Variants in AHCTF1 observed in about 807,000 individuals in gnomAD.
AHCTF1 encodes the protein protein ELYS.
In AHCTF1, 24 loss-of-function variants were observed where a neutral mutation model predicts 248.4. The ratio of observed to expected loss-of-function variants is 0.10; its 90% CI spans 0.07 to 0.14. The LOEUF (loss-of-function observed/expected upper bound fraction) is 0.14, where lower values mean the gene tolerates loss of function less well. AHCTF1 is among the 10% of genes least tolerant of loss of function. The probability of loss-of-function intolerance (pLI) is 1.00; values close to 1 mark genes in which losing one functional copy is unlikely to be tolerated. For missense variants in AHCTF1, 2,206 were observed against 2,636.2 expected, an observed-to-expected ratio of 0.84 and a Z score of 3.57; for synonymous variants, 786 against 929.8, an observed-to-expected ratio of 0.85 and a Z score of 2.81.
intron 24 of AHCTF1, among the ~76,000 whole-genome samples, chr1:246,872,799 C>T (rs1031700997): frequency 6.6e-6 from 1 of 152,052 alleles, no homozygotes; most frequent in African/African-American, 2.4e-5. Flanking sequence ...GTGCTGCTGT[C>T]GAGACCAAGA....
At chr1:246,921,265 TGA>T (rs975670325) in intron 1 of AHCTF1, among the ~76,000 whole-genome samples, 2 of 152,062 alleles carry the variant, frequency 1.3e-5, no homozygotes, top group Admixed American at 6.6e-5. Flanking sequence ...ACAGTGGATT[TGA>T]GAGAGAAAGC....
Position 246,850,060 on chromosome 1 carries a change from T to A in AHCTF1, c.5946A>T (p.Pro1982=), listed in dbSNP as rs1371355783. 2 of 1,613,818 alleles carry A rather than the reference T, an allele frequency of 1.2e-6. No individual in the cohort carries two copies. The highest frequency in any genetic ancestry group is 2.7e-5 in the African/African-American group (2 of 74,916). ...CAGCCTTAGATCCTACATCTTCAGA[T>A]GGATTGATTTTTCTTGGTCTACCAC... ...RKRGRPRKIN[P]SEDVGSKAVK... is the part of the protein sequence containing the mutation. Residue 1982 remains proline, a synonymous_variant, in exon 33 of 36, where the codon CCA becomes CCT. Transcript: ENST00000648844.
At position 246,867,828 on chromosome 1, in the gene AHCTF1, G is replaced by A. The variant is rs773978044; in HGVS notation, c.3089-17C>T. 3.1e-5 allele frequency: 49 copies of A among 1,575,468 alleles called. No individual in the cohort carries two copies. Among genetic ancestry groups the A allele is most frequent in the South Asian group, 2.1e-4 (18 of 87,756 alleles). ...GTCTAGAAACTGTAAAATGAAGAAC[G>A]CTGGAATTAAGTGCATCTCTAACAA... On this transcript the variant is annotated splice_polypyrimidine_tract_variant and intron_variant, in intron 24 of 35. Coordinates refer to ENST00000648844, the MANE Select transcript of AHCTF1 (RefSeq NM_001323342.2).
At chr1:246,914,836 T>A (rs1666032728) in intron 3 of AHCTF1, among the ~76,000 whole-genome samples, 1 of 152,190 alleles carries the variant, frequency 6.6e-6, no homozygotes, top group South Asian at 2.1e-4. Context: ...CAATTCCTCA[T>A]CCAAATGATC....
intron 10 of AHCTF1, among the ~76,000 whole-genome samples, 159 bp from the exon 11 acceptor site, chr1:246,899,671 G>T (rs183923158): frequency 6.6e-6 from 1 of 151,716 alleles, no homozygotes; most frequent in Non-Finnish European, 1.5e-5. Flanking sequence ...CCTAAGAATA[G>T]ATAACAAACC....
chr1:246,889,962 A>G lies in AHCTF1; in HGVS notation c.2144+4T>C, dbSNP rs2103136033. 2.5e-6 allele frequency: 4 copies of G among 1,606,582 alleles called. No individual in the cohort carries two copies. Among genetic ancestry groups the G allele is most frequent in the East Asian group, 4.5e-5 (2 of 44,734 alleles). On this transcript the variant is annotated splice_donor_region_variant and intron_variant, in intron 17 of 35. Coordinates refer to ENST00000648844, the MANE Select transcript of AHCTF1 (RefSeq NM_001323342.2). ...ATGTAATTTCTAAAATTGTTTTACT[A>G]TACCTTGATAAACGCTCAAACTTCT...
At chr1:246,886,468 C>A (rs1456230865) in intron 20 of AHCTF1, among the ~76,000 whole-genome samples, 3 of 152,172 alleles carry the variant, frequency 2.0e-5, no homozygotes, top group East Asian at 1.9e-4. Context: ...ATTTAAAGAT[C>A]AAGATCTAGA....
chr1:246,888,633 G>A lies in AHCTF1; in HGVS notation c.2145-116C>T, dbSNP rs997486301. On this transcript the variant is annotated intron_variant, in intron 17 of 35. Transcript: ENST00000648844. ...AACTATCAAAGAGAGAAGAGGCTGG[G>A]CATGGTGGCTTATGTCTGTAATCCC... 9 of 1,287,892 alleles carry A rather than the reference G, an allele frequency of 7.0e-6. No homozygotes were observed. In the East Asian group the frequency reaches 1.0e-4, roughly 15 times the overall value. The allele number at this position is 1,287,892 out of a possible 1,614,324, so 79.8% of individuals were successfully genotyped here. A position where few individuals can be genotyped will look rare whatever the true frequency, so the allele number is the denominator to read the frequency against.
chr1:246,911,730 C>T (rs1160451245), intron 4 of AHCTF1, among the ~76,000 whole-genome samples: 4 of 152,212 alleles, frequency 2.6e-5, no homozygotes, highest in East Asian at 3.9e-4. Context: ...GTGATCCACC[C>T]GCCTTGGCCT....
At chr1:246,876,789 C>T (rs1429967512) in intron 23 of AHCTF1, among the ~76,000 whole-genome samples, 161 bp downstream of exon 23, 1 of 152,172 alleles carries the variant, frequency 6.6e-6, no homozygotes, top group Non-Finnish European at 1.5e-5. Context: ...TGGTAATACC[C>T]TGTTCCCAAT....
intron 12 of AHCTF1, 121 bp from the exon 13 acceptor site, chr1:246,896,046 G>C (rs1664550882): frequency 1.5e-6 from 1 of 672,230 alleles, no homozygotes; most frequent in Non-Finnish European, 2.6e-6. Flanking sequence ...CCCATAAGAA[G>C]GGCTATAATC....
At position 246,864,517 on chromosome 1, in the gene AHCTF1, C is replaced by T. The variant is rs564569167; in HGVS notation, c.3348-401G>A. On this transcript the variant is annotated intron_variant, in intron 26 of 35. Transcript: ENST00000648844. ...ATTAACATGCAAAATATCCATTCAC[C>T]TACATGTAATATATATAATGAATAT... Among the ~76,000 whole-genome samples the T allele has an allele frequency of 3.9e-4, 59 of 152,032 alleles. No individual in the cohort carries two copies. In the East Asian group the frequency reaches 4.6e-3, roughly 12 times the overall value.
chr1:246,896,726 T>C (rs1219408601), intron 12 of AHCTF1, among the ~76,000 whole-genome samples: 5 of 152,190 alleles, frequency 3.3e-5, no homozygotes, highest in African/African-American at 1.2e-4. Context: ...GTATGAAATA[T>C]CTCAATAAAG....
rs765302345 is a variant in AHCTF1, at chr1:246,905,696, T to C, written c.765-39A>G. The C allele has an allele frequency of 5.3e-6, 8 of 1,517,204 alleles. No homozygotes were observed. The African/African-American group carries it at 1.1e-4, about 21-fold the overall frequency. The allele number at this position is 1,517,204 out of a possible 1,614,324, so 94.0% of individuals were successfully genotyped here. On this transcript the variant is annotated intron_variant, in intron 5 of 35. Transcript: ENST00000648844. The stretch of plus-strand genomic sequence containing the variant: ...GTATATTTCATATTTTTAAGTTATT[T>C]TTTAGAAAGGAAAAAGGTACATCAT...
At chr1:246,860,648 A>G (rs1261769381) in intron 29 of AHCTF1, among the ~76,000 whole-genome samples, 2 of 152,024 alleles carry the variant, frequency 1.3e-5, no homozygotes, top group Admixed American at 6.6e-5. Flanking sequence ...ACTTCTGAAC[A>G]CTCCCACCAT....
chr1:246,882,282 C>A (rs1416934933), intron 21 of AHCTF1, among the ~76,000 whole-genome samples: 2 of 152,130 alleles, frequency 1.3e-5, no homozygotes, highest in African/African-American at 4.8e-5. Flanking sequence ...CAGGCATGAG[C>A]CACCGCACCT....
rs201117355 is a variant in AHCTF1 at position 246,884,365 on chromosome 1, T to C, written c.2660+1128A>G. Among the ~76,000 whole-genome samples, 7 of 152,322 alleles carry C rather than the reference T, an allele frequency of 4.6e-5. No homozygotes were observed. The East Asian group carries it at 1.3e-3, about 29-fold the overall frequency. On this transcript the variant is annotated intron_variant, in intron 21 of 35. Transcript: ENST00000648844. ...CTGAAATTTGTAGATCTTACCCTCT[T>C]ATCCGTAGAAGTACATGCTATTTAA...
chr1:246,852,930 C>CAAAAGATTTATACACTTATTTTTT (rs1388800862), intron 32 of AHCTF1, among the ~76,000 whole-genome samples, 161 bp downstream of exon 32: 3 of 152,028 alleles, frequency 2.0e-5, no homozygotes, highest in African/African-American at 2.4e-5. Flanking sequence ...TTATATTCCA[C>CAAAAGATTTATACACTTATTTTTT]AAAAGATTTA....
intron 24 of AHCTF1, among the ~76,000 whole-genome samples, chr1:246,869,628 T>A: frequency 6.6e-6 from 1 of 152,068 alleles, no homozygotes; most frequent in East Asian, 1.9e-4. Flanking sequence ...CTGTCTTCTA[T>A]CAATGGAAAA....
Sources: allele counts gnomAD v4.1 joint callset (sites outside exome capture counted in the v4.1 genomes callset), GRCh38; gene constraint gnomAD v4.1.1; transcripts MANE v1.5; gene names NCBI Gene and HGNC (gene_info 2026-07-23, HGNC 2026-07-21).